DGKB: variants seen among roughly 807,000 people sequenced by gnomAD.
The protein encoded by DGKB is 90 kDa diacylglycerol kinase.
Under a neutral mutation model 114.3 loss-of-function variants are expected in DGKB, and 67 were observed. The ratio of observed to expected loss-of-function variants is 0.59; its 90% confidence interval spans 0.48 to 0.72. The LOEUF (loss-of-function observed/expected upper bound fraction) is 0.72. DGKB is among the 30% of genes least tolerant of loss of function. DGKB has a pLI of 0.00. For synonymous variants in DGKB, 398 were observed against 323.1 expected (o/e 1.23, Z -2.49); for missense variants, 907 against 975.2 (o/e 0.93, Z 0.93).
chr7:14,624,433 A>G lies in DGKB; in HGVS notation c.1168-2939T>C, dbSNP rs544967498. On this transcript the variant is annotated intron_variant, in intron 14 of 25. Coordinates refer to ENST00000402815, the MANE Select transcript of DGKB (RefSeq NM_001350709.2). ...ATAAAATTCAATTTGATTAGTTACA[A>G]TGGAACTGGGAATTTGCACCAGATT... Among the ~76,000 whole-genome samples the G allele has an allele frequency of 2.6e-5, 4 of 152,346 alleles. No homozygotes were observed. In the East Asian group the frequency reaches 7.7e-4, roughly 29 times the overall value.
At chr7:14,222,616 T>G (rs1440375159) in intron 23 of DGKB, among the ~76,000 whole-genome samples, 1 of 151,504 alleles carries the variant, frequency 6.6e-6, no homozygotes, top group Non-Finnish European at 1.5e-5. Flanking sequence ...TGGCTGGAGT[T>G]TTATATAAAT....
intron 23 of DGKB, among the ~76,000 whole-genome samples, chr7:14,271,534 A>G (rs1798266602): frequency 6.6e-6 from 1 of 152,172 alleles, no homozygotes; most frequent in Admixed American, 6.5e-5. Flanking sequence ...ATTCTGTTCC[A>G]TTACTAATTT....
intron 13 of DGKB, among the ~76,000 whole-genome samples, chr7:14,670,405 C>T (rs999210638): frequency 3.3e-5 from 5 of 151,694 alleles, no homozygotes; most frequent in Non-Finnish European, 7.4e-5. Context: ...AGGGTTCAAG[C>T]GATTCCCCTG....
intron 21 of DGKB, among the ~76,000 whole-genome samples, chr7:14,393,218 T>C (rs1021014326): frequency 1.3e-5 from 2 of 151,780 alleles, no homozygotes; most frequent in African/African-American, 4.8e-5. Context: ...CTCGATCTCC[T>C]GACCTCGTGA....
chr7:14,597,254 C>T (rs1396138285), intron 17 of DGKB, among the ~76,000 whole-genome samples: 1 of 151,870 alleles, frequency 6.6e-6, no homozygotes, highest in Non-Finnish European at 1.5e-5. Context: ...TAACTATAGG[C>T]ATAAAGGTAA....
At chr7:14,351,161 T>C (rs1362032137) in intron 21 of DGKB, among the ~76,000 whole-genome samples, 1 of 152,218 alleles carries the variant, frequency 6.6e-6, no homozygotes, top group Non-Finnish European at 1.5e-5. Context: ...GGTACATTTA[T>C]GTCATAGAAT....
At chr7:14,250,770 T>G (rs2128389630) in intron 23 of DGKB, among the ~76,000 whole-genome samples, 1 of 152,330 alleles carries the variant, frequency 6.6e-6, no homozygotes, top group South Asian at 2.1e-4. Flanking sequence ...TTATTTCTCC[T>G]TTCAGTTCAG....
In DGKB at chr7:14,753,631, A is replaced by C. The variant is rs909175462; in HGVS notation, c.168+297T>G. ...ATAAAATATAATAGCACAGCCTTAT[A>C]TATCTTCATGAAATTAGAAAAATAA... On this transcript the variant is annotated intron_variant, in intron 4 of 25. Transcript: ENST00000402815. 5.9e-5 allele frequency among the ~76,000 whole-genome samples: 9 copies of C among 152,320 alleles called. No individual in the cohort carries two copies. The East Asian group carries it at 1.7e-3, about 29-fold the overall frequency.
rs533288152 is a variant in DGKB, at chr7:14,533,683, T to G, written c.1770+40529A>C. On this transcript the variant is annotated intron_variant, in intron 20 of 25. Transcript: ENST00000402815. ...AAGAGAGAATTTTGAAAGCAATAAC[T>G]CATCACAGAAAAAAGGCAACACCTA... Among the ~76,000 whole-genome samples the G allele has an allele frequency of 2.2e-3, 337 of 151,856 alleles. 1 individual carries two copies. Among genetic ancestry groups the G allele is most frequent in the Non-Finnish European group, 1.5e-3 (103 of 67,782 alleles).
chr7:14,558,221 ACAG>A (rs1370119958), intron 20 of DGKB, among the ~76,000 whole-genome samples: 3 of 151,404 alleles, frequency 2.0e-5, no homozygotes, highest in African/African-American at 7.3e-5. Flanking sequence ...TATCATAATT[ACAG>A]CATTGTTAGT....
intron 21 of DGKB, among the ~76,000 whole-genome samples, chr7:14,414,531 C>G (rs1184539055): frequency 6.6e-6 from 1 of 152,092 alleles, no homozygotes; most frequent in Non-Finnish European, 1.5e-5. Flanking sequence ...TTTAATTAAT[C>G]AGAGCTTTAG....
At chr7:14,536,374 T>C (rs989793572) in intron 20 of DGKB, among the ~76,000 whole-genome samples, 6 of 152,140 alleles carry the variant, frequency 3.9e-5, no homozygotes, top group African/African-American at 1.4e-4. Flanking sequence ...TGAACATGAA[T>C]GCAATATCCC....
intron 1 of DGKB, among the ~76,000 whole-genome samples, chr7:14,899,494 G>T (rs189299387): frequency 1.3e-5 from 2 of 152,170 alleles, no homozygotes; most frequent in Admixed American, 1.3e-4. Context: ...TGTCCCTCAG[G>T]ACAAAGAGTG....
At chr7:14,551,007 C>T (rs931384625) in intron 20 of DGKB, among the ~76,000 whole-genome samples, 5 of 152,186 alleles carry the variant, frequency 3.3e-5, no homozygotes, top group Non-Finnish European at 7.4e-5. Context: ...TTTGTGTTTT[C>T]AGTAAAGATA....
intron 4 of DGKB, among the ~76,000 whole-genome samples, chr7:14,739,601 A>G (rs1161203755): frequency 2.6e-5 from 4 of 152,174 alleles, no homozygotes; most frequent in Non-Finnish European, 2.9e-5. Context: ...TGAATTAAGA[A>G]GCAAAAATTC....
intron 1 of DGKB, among the ~76,000 whole-genome samples, chr7:14,937,593 T>A (rs1489448895): frequency 2.0e-5 from 3 of 152,160 alleles, no homozygotes; most frequent in Non-Finnish European, 4.4e-5. Flanking sequence ...TGAAACACAA[T>A]GAGAAATATG....
chr7:14,386,557 T>C (rs1192767961), intron 21 of DGKB, among the ~76,000 whole-genome samples: 1 of 152,212 alleles, frequency 6.6e-6, no homozygotes, highest in Non-Finnish European at 1.5e-5. Flanking sequence ...CATGTGCCAG[T>C]TGCTGAAATA....
At chr7:14,195,179 G>A (rs772021824) in intron 23 of DGKB, among the ~76,000 whole-genome samples, 1 of 152,110 alleles carries the variant, frequency 6.6e-6, no homozygotes, top group African/African-American at 2.4e-5. Context: ...GGGACTGAAG[G>A]CTTTCACTTG....
chr7:14,674,627 C>G (rs1458265996), intron 12 of DGKB, among the ~76,000 whole-genome samples: 2 of 151,962 alleles, frequency 1.3e-5, no homozygotes, highest in African/African-American at 4.8e-5. Flanking sequence ...TGTATTTAAG[C>G]TAAGATGTTG....
Sources: allele counts gnomAD v4.1 joint callset (sites outside exome capture counted in the v4.1 genomes callset), GRCh38; gene constraint gnomAD v4.1.1; transcripts MANE v1.5; gene names NCBI Gene and HGNC (gene_info 2026-07-23, HGNC 2026-07-21).